The following TBC1D32 variants were observed in gnomAD, a reference collection of about 807,000 sequenced individuals.
TBC1D32 encodes the protein protein broad-minded.
In TBC1D32, 151 loss-of-function variants were observed where a neutral mutation model predicts 170.3. The observed-to-expected ratio is 0.89, with a 90% CI of 0.78 to 1.01. TBC1D32 has a LOEUF of 1.01. Among genes scored for constraint, TBC1D32 ranks in the 50% least tolerant of loss-of-function variants. TBC1D32 has a pLI of 0.00. For missense variants in TBC1D32, 1,464 were observed against 1,457.1 expected, an observed-to-expected ratio of 1.00 and a Z score of -0.08; for synonymous variants, 498 against 488.0, an observed-to-expected ratio of 1.02 and a Z score of -0.27.
At chr6:121,135,185 GA>G (rs1445397465) in intron 24 of TBC1D32, among the ~76,000 whole-genome samples, 1 of 152,050 alleles carries the variant, frequency 6.6e-6, no homozygotes, top group Admixed American at 6.6e-5. Context: ...TGAGGTAAGG[GA>G]AAATGAAAGC....
chr6:121,305,419 C>T (rs912185122), intron 5 of TBC1D32, among the ~76,000 whole-genome samples: 2 of 151,828 alleles, frequency 1.3e-5, no homozygotes, highest in Non-Finnish European at 2.9e-5. Flanking sequence ...AAAATGGTAG[C>T]TATTATTATC....
chr6:121,278,839 A>T (rs993918946), intron 15 of TBC1D32, among the ~76,000 whole-genome samples: 1 of 152,076 alleles, frequency 6.6e-6, no homozygotes, highest in Non-Finnish European at 1.5e-5. Flanking sequence ...GGAAGAAAAA[A>T]TAGCTAGCTT....
intron 17 of TBC1D32, among the ~76,000 whole-genome samples, chr6:121,254,962 T>C (rs1303475550): frequency 6.6e-6 from 1 of 152,072 alleles, no homozygotes; most frequent in Non-Finnish European, 1.5e-5. Context: ...AAAAATAATA[T>C]TTTAAATATA....
chr6:121,298,850 G>A (rs1474958280), intron 10 of TBC1D32, among the ~76,000 whole-genome samples: 2 of 152,014 alleles, frequency 1.3e-5, no homozygotes, highest in Non-Finnish European at 2.9e-5. Flanking sequence ...AGCTATATCA[G>A]TATAACATTT....
At chr6:121,274,109 C>A (rs1352920049) in intron 15 of TBC1D32, among the ~76,000 whole-genome samples, 2 of 152,024 alleles carry the variant, frequency 1.3e-5, no homozygotes, top group Non-Finnish European at 2.9e-5. Context: ...CCAAGGCGGG[C>A]AGATCATGAG....
intron 20 of TBC1D32, among the ~76,000 whole-genome samples, chr6:121,228,163 T>A (rs1795294264): frequency 6.6e-6 from 1 of 152,126 alleles, no homozygotes; most frequent in African/African-American, 2.4e-5. Flanking sequence ...TGGATCTCTC[T>A]TATTTTTGTC....
intron 21 of TBC1D32, among the ~76,000 whole-genome samples, chr6:121,205,904 T>C (rs1583210544): frequency 6.6e-6 from 1 of 152,172 alleles, no homozygotes; most frequent in African/African-American, 2.4e-5. Context: ...CCACACAATT[T>C]TGAACATGTT....
upstream of TBC1D32, chr6:121,334,480 C>CCGCGCACTGCGCA (rs1407905449): frequency 2.6e-6 from 4 of 1,561,522 alleles, no homozygotes; most frequent in Admixed American, 3.8e-5. Flanking sequence ...CGAGCAAAAG[C>CCGCGCACTGCGCA]CGCGCACTGC....
chr6:121,291,374 T>C (rs1371827479), intron 12 of TBC1D32, among the ~76,000 whole-genome samples: 2 of 151,952 alleles, frequency 1.3e-5, no homozygotes, highest in African/African-American at 2.4e-5. Context: ...AGAGAGAATA[T>C]ACAAAAGCAG....
rs1474533780 is a variant in TBC1D32, at chr6:121,101,744, C to T, written c.3465+4279G>A. On this transcript the variant is annotated intron_variant, in intron 30 of 31. Coordinates refer to ENST00000398212, the MANE Select transcript of TBC1D32 (RefSeq NM_152730.6). ...TGTTGGAAGTTCTGGCCAGGGCATTCAGGCAAGAGAAAGAAATAAAGGGTA... is the reference window on the plus strand; with the variant it reads ...TGTTGGAAGTTCTGGCCAGGGCATTTAGGCAAGAGAAAGAAATAAAGGGTA... Among the ~76,000 whole-genome samples the T allele has an allele frequency of 2.6e-5, 4 of 152,154 alleles. No individual in the cohort carries two copies. In the East Asian group the frequency reaches 7.7e-4, roughly 29 times the overall value.
At chr6:121,162,309 G>A (rs1348054844) in intron 22 of TBC1D32, among the ~76,000 whole-genome samples, 1 of 152,104 alleles carries the variant, frequency 6.6e-6, no homozygotes, top group Non-Finnish European at 1.5e-5. Flanking sequence ...TTTTCTCCAA[G>A]GGTTTTTATA....
intron 4 of TBC1D32, among the ~76,000 whole-genome samples, chr6:121,308,591 T>C (rs1379951486): frequency 6.6e-6 from 1 of 151,832 alleles, no homozygotes; most frequent in Non-Finnish European, 1.5e-5. Flanking sequence ...ACACCATATT[T>C]TCTGGCCTTC....
At chr6:121,187,754 CA>C (rs67915120) in intron 22 of TBC1D32, among the ~76,000 whole-genome samples, 9,017 of 128,242 alleles carry the variant, frequency 0.07, 363 homozygotes, top group Admixed American at 0.19. Context: ...TGCTCAGGGC[CA>C]AAAAAAAAAA....
Position 121,242,206 on chromosome 6 carries a change from A to AT in TBC1D32, c.2151dup (p.Leu718IlefsTer7). The stretch of plus-strand genomic sequence containing the variant: ...TGGCAGATGGTAATTCATACCTGTA[A>AT]TTTTTTTGCATATCGATTGAATATA... On this transcript the variant is annotated frameshift_variant, in exon 18 of 32. Coordinates refer to ENST00000398212, the MANE Select transcript of TBC1D32 (RefSeq NM_152730.6). LOFTEE classifies it high-confidence loss of function. 6.2e-7 allele frequency: 1 copy of AT among 1,610,814 alleles called. No homozygotes were observed. Among genetic ancestry groups the AT allele is most frequent in the Non-Finnish European group, 8.5e-7 (1 of 1,178,924 alleles).
At chr6:121,265,298 C>T (rs150949368) in intron 15 of TBC1D32, among the ~76,000 whole-genome samples, 1 of 152,180 alleles carries the variant, frequency 6.6e-6, no homozygotes, top group South Asian at 2.1e-4. Flanking sequence ...CATGAATGAA[C>T]TCCCATTCAC....
At chr6:121,093,522 C>T (rs768126272) in intron 30 of TBC1D32, among the ~76,000 whole-genome samples, 5 of 152,078 alleles carry the variant, frequency 3.3e-5, no homozygotes, top group Non-Finnish European at 4.4e-5. Flanking sequence ...TAAATACAAA[C>T]GATCTCCACA....
At chr6:121,132,362 T>A (rs1440217446) in intron 24 of TBC1D32, among the ~76,000 whole-genome samples, 1 of 151,974 alleles carries the variant, frequency 6.6e-6, no homozygotes, top group African/African-American at 2.4e-5. Flanking sequence ...TGAAAGACAC[T>A]CTCTATACTA....
At chr6:121,174,667 C>T (rs1787513784) in intron 22 of TBC1D32, among the ~76,000 whole-genome samples, 1 of 152,116 alleles carries the variant, frequency 6.6e-6, no homozygotes, top group Admixed American at 6.6e-5. Flanking sequence ...AGAATTTAAA[C>T]AGCTTTAATG....
chr6:121,118,436 T>G (rs1267702037), intron 26 of TBC1D32, among the ~76,000 whole-genome samples: 1 of 152,172 alleles, frequency 6.6e-6, no homozygotes, highest in Non-Finnish European at 1.5e-5. Flanking sequence ...TGCAATAGTT[T>G]CAAAATAAAA....
Sources: gnomAD v4.1 joint callset for allele counts (sites outside exome capture counted in the v4.1 genomes callset) on GRCh38, gnomAD v4.1.1 for gene constraint, MANE v1.5 for transcripts, NCBI Gene and HGNC (gene_info 2026-07-23, HGNC 2026-07-21) for gene names.